COL22A1: variants seen among roughly 807,000 people sequenced by gnomAD.
The protein encoded by COL22A1 is collagen type XXII alpha 1 chain, also known as collagen alpha-1(XXII) chain.
A neutral mutation model predicts 248.9 loss-of-function variants in COL22A1; 221 were observed. The observed-to-expected ratio is 0.89, with a 90% confidence interval of 0.80 to 0.99. The LOEUF (loss-of-function observed/expected upper bound fraction) is 0.99. Among genes scored for constraint, COL22A1 ranks in the 50% least tolerant of loss-of-function variants. The pLI is 0.00. For missense variants in COL22A1, 2,240 were observed against 2,179.0 expected (o/e 1.03, Z -0.56); for synonymous variants, 891 against 793.4 (o/e 1.12, Z -2.07).
chr8:138,869,604 A>C (rs188092561), intron 3 of COL22A1, among the ~76,000 whole-genome samples: 30 of 152,360 alleles, frequency 2.0e-4, no homozygotes, highest in East Asian at 1.9e-3. Context: ...ATTTAAAACA[A>C]ATGATGAGAG....
At chr8:138,903,332 GAA>G (rs922454794) in intron 1 of COL22A1, among the ~76,000 whole-genome samples, 36 of 152,162 alleles carry the variant, frequency 2.4e-4, no homozygotes, top group African/African-American at 8.4e-4. Flanking sequence ...CTTCCTGAAG[GAA>G]ACAGAAATAA....
chr8:138,899,461 C>T (rs1234080255), intron 1 of COL22A1, among the ~76,000 whole-genome samples: 1 of 152,146 alleles, frequency 6.6e-6, no homozygotes, highest in Non-Finnish European at 1.5e-5. Context: ...AATAGATTCT[C>T]GTGTTATTAT....
chr8:138,796,073 GTTTCT>G (rs2131601601), intron 12 of COL22A1, among the ~76,000 whole-genome samples: 1 of 152,220 alleles, frequency 6.6e-6, no homozygotes, highest in Admixed American at 6.5e-5. Context: ...ATAATTTTTT[GTTTCT>G]TTTTTCTTTC....
Position 138,599,347 on chromosome 8 carries a change from C to T in COL22A1, c.4186-449G>A, listed in dbSNP as rs886470455. The stretch of plus-strand genomic sequence containing the variant: ...ACAAAACATTAGCCGGGCGTGGTGG[C>T]AGGTGCCTGTAGTCCCAGCTACTCA... On this transcript the variant is annotated intron_variant, in intron 60 of 64. Coordinates refer to ENST00000303045, the MANE Select transcript of COL22A1 (RefSeq NM_152888.3). Among the ~76,000 whole-genome samples the T allele has an allele frequency of 5.9e-5, 9 of 152,192 alleles. 1 individual carries two copies. The South Asian group carries it at 1.5e-3, about 25-fold the overall frequency.
intron 22 of COL22A1, among the ~76,000 whole-genome samples, chr8:138,748,585 T>C (rs1049628914): frequency 1.3e-5 from 2 of 152,092 alleles, no homozygotes; most frequent in Non-Finnish European, 2.9e-5. Flanking sequence ...TAATTGGAGC[T>C]CAATAAACAC....
intron 30 of COL22A1, among the ~76,000 whole-genome samples, chr8:138,707,002 T>C (rs567197720): frequency 2.3e-4 from 35 of 152,238 alleles, no homozygotes; most frequent in South Asian, 1.0e-3. Flanking sequence ...GAGAATACTA[T>C]AAACACTTCT....
intron 27 of COL22A1, among the ~76,000 whole-genome samples, chr8:138,717,126 GA>G (rs1829501142): frequency 6.6e-6 from 1 of 152,002 alleles, no homozygotes; most frequent in Admixed American, 6.6e-5. Context: ...TGTCCCATTA[GA>G]ATTTATTTTT....
chr8:138,906,514 A>C (rs1815034186), intron 1 of COL22A1, among the ~76,000 whole-genome samples: 1 of 152,240 alleles, frequency 6.6e-6, no homozygotes, highest in African/African-American at 2.4e-5. Context: ...AGAAACAAAT[A>C]AATGAGTTGA....
At chr8:138,608,332 C>A (rs1017448215) in intron 56 of COL22A1, among the ~76,000 whole-genome samples, 3 of 152,294 alleles carry the variant, frequency 2.0e-5, no homozygotes, top group East Asian at 3.9e-4. Context: ...TGTTGAAGAA[C>A]AAACAAACCA....
chr8:138,674,732 T>TG (rs1430576463), intron 41 of COL22A1, among the ~76,000 whole-genome samples: 1 of 152,142 alleles, frequency 6.6e-6, no homozygotes, highest in African/African-American at 2.4e-5. Flanking sequence ...TGGTAAGTGA[T>TG]GGGGGTGCCT....
Position 138,878,174 on chromosome 8 carries a change from C to A in COL22A1, c.234G>T (p.Gly78=). The A allele has an allele frequency of 6.2e-7, 1 of 1,604,424 alleles. No homozygotes were observed. Among genetic ancestry groups the A allele is most frequent in the Non-Finnish European group, 8.5e-7 (1 of 1,176,310 alleles). The change falls in exon 3 of 65, where the codon GGG becomes GGT. Residue 78 remains glycine, a synonymous_variant. Coordinates refer to ENST00000303045, the MANE Select transcript of COL22A1 (RefSeq NM_152888.3). ...TGGGCCGGTCGCTGTAGCGCACGACCCCCACACGGGTGCGGTCGGGGCCCA... is the reference window on the plus strand; with the variant it reads ...TGGGCCGGTCGCTGTAGCGCACGACACCCACACGGGTGCGGTCGGGGCCCA... The part of the protein sequence containing the change: ...FEVGPDRTRV[G]VVRYSDRPTT...
intron 3 of COL22A1, among the ~76,000 whole-genome samples, chr8:138,861,903 A>C (rs1822489058): frequency 6.6e-6 from 1 of 152,070 alleles, no homozygotes; most frequent in Non-Finnish European, 1.5e-5. Context: ...TAAAGCTTAA[A>C]GTAGGCGGGG....
At chr8:138,894,969 G>T (rs1461411254) in intron 1 of COL22A1, among the ~76,000 whole-genome samples, 3 of 151,340 alleles carry the variant, frequency 2.0e-5, no homozygotes, top group Non-Finnish European at 2.9e-5. Flanking sequence ...GGAGGCAAAA[G>T]GATTGCTTGA....
chr8:138,868,325 T>G (rs186230275), intron 3 of COL22A1, among the ~76,000 whole-genome samples: 2 of 152,184 alleles, frequency 1.3e-5, no homozygotes, highest in Non-Finnish European at 2.9e-5. Flanking sequence ...AAAATTCAGT[T>G]TGGGTAGGAG....
intron 41 of COL22A1, among the ~76,000 whole-genome samples, chr8:138,666,886 T>C (rs1824548915): frequency 6.6e-6 from 1 of 152,252 alleles, no homozygotes; most frequent in African/African-American, 2.4e-5. Context: ...AATCTTAGCT[T>C]ATCAATCATC....
intron 39 of COL22A1, among the ~76,000 whole-genome samples, chr8:138,682,188 C>A (rs966607708): frequency 6.6e-6 from 1 of 152,096 alleles, no homozygotes; most frequent in Non-Finnish European, 1.5e-5. Flanking sequence ...AGAATGGTTT[C>A]TGGGGCTTAG....
At chr8:138,672,055 A>G (rs1240405386) in intron 41 of COL22A1, among the ~76,000 whole-genome samples, 1 of 152,172 alleles carries the variant, frequency 6.6e-6, no homozygotes, top group Non-Finnish European at 1.5e-5. Flanking sequence ...CAGCACCCCA[A>G]CTGTCACATT....
At chr8:138,685,107 G>C in intron 38 of COL22A1, 101 bp downstream of exon 38, 1 of 855,806 alleles carries the variant, frequency 1.2e-6, no homozygotes, top group Middle Eastern at 2.3e-4. Flanking sequence ...ATTGGCCACG[G>C]TTCAATTTCT....
At chr8:138,631,577 GGAA>G (rs1292613037) in intron 49 of COL22A1, among the ~76,000 whole-genome samples, 8 of 152,308 alleles carry the variant, frequency 5.3e-5, no homozygotes, top group Admixed American at 3.3e-4. Context: ...ATGGATGAAT[GGAA>G]GAAGACTTCT....
Sources: allele counts gnomAD v4.1 joint callset (sites outside exome capture counted in the v4.1 genomes callset), GRCh38; gene constraint gnomAD v4.1.1; transcripts MANE v1.5; gene names NCBI Gene and HGNC (gene_info 2026-07-23, HGNC 2026-07-21).